The following CARD19 variants were observed in gnomAD, a reference collection of about 807,000 sequenced individuals.
CARD19 encodes the protein caspase recruitment domain family member 19, also known as caspase recruitment domain-containing protein 19.
CARD19 carries 25 observed loss-of-function variants against 24.1 expected under a neutral mutation model. The observed-to-expected ratio is 1.04, with a 90% CI of 0.76 to 1.45. CARD19 has a LOEUF of 1.45. Among genes scored for constraint, CARD19 ranks in the 40% most tolerant of loss-of-function variants. The pLI is 0.00. For missense variants in CARD19, 241 were observed against 247.4 expected (o/e 0.97, Z 0.17); for synonymous variants, 103 against 104.9 (o/e 0.98, Z 0.11).
chr9:93,100,939 C>T (rs1587636296), intron 1 of CARD19, among the ~76,000 whole-genome samples: 2 of 152,218 alleles, frequency 1.3e-5, no homozygotes, highest in African/African-American at 4.8e-5. Flanking sequence ...TTCCATTGTA[C>T]ATAGGTATAT....
At chr9:93,105,940 C>T (rs1314234220) in intron 1 of CARD19, among the ~76,000 whole-genome samples, 1 of 152,054 alleles carries the variant, frequency 6.6e-6, no homozygotes, top group Non-Finnish European at 1.5e-5. Flanking sequence ...ATAGAGATAT[C>T]TATTTCTCCC....
chr9:93,110,907 G>A, intron 3 of CARD19, 186 bp downstream of exon 3: 1 of 1,533,098 alleles, frequency 6.5e-7, no homozygotes, highest in Non-Finnish European at 8.7e-7. Flanking sequence ...AGTGTGGCAG[G>A]CACAGGCAGT....
intron 1 of CARD19, among the ~76,000 whole-genome samples, chr9:93,106,681 GCT>G (rs1827275401): frequency 6.6e-6 from 1 of 151,540 alleles, no homozygotes; most frequent in Non-Finnish European, 1.5e-5. Flanking sequence ...ATGTCTTGTA[GCT>G]TTTTTGACCC....
Position 93,113,028 on chromosome 9 carries a change from G to A in CARD19, c.473G>A (p.Gly158Asp). ...CTGCCAGGGACCCGGCGCGTCCTCG[G>A]TTTCTCGCCTGTCATCATCGACAGA... ...KGLPGTRRVL[G>D]FSPVIIDRHV... Residue 158 changes from glycine to aspartate, a missense_variant, in exon 6 of 6, where the codon GGT (glycine) becomes GAT (aspartate). Physicochemically the swap from Gly to Asp is moderately conservative, Grantham distance 94. Coordinates refer to ENST00000375464, the MANE Select transcript of CARD19 (RefSeq NM_032310.5). 6.2e-7 allele frequency: 1 copy of A among 1,609,514 alleles called. No homozygotes were observed.
chr9:93,097,896 C>T (rs550966645), intron 1 of CARD19, among the ~76,000 whole-genome samples: 2 of 152,336 alleles, frequency 1.3e-5, no homozygotes, highest in African/African-American at 2.4e-5. Flanking sequence ...CCTCACAACC[C>T]TTAGTTTTTG....
At chr9:93,104,266 T>C (rs1248740727) in intron 1 of CARD19, among the ~76,000 whole-genome samples, 2 of 152,214 alleles carry the variant, frequency 1.3e-5, no homozygotes, top group African/African-American at 4.8e-5. Flanking sequence ...TGTAGTGTTC[T>C]TTTCCATTTT....
Position 93,112,238 on chromosome 9 carries a change from G to T in CARD19, c.385G>T (p.Gly129Cys), listed in dbSNP as rs1432122622. 6.5e-7 allele frequency: 1 copy of T among 1,545,240 alleles called. No homozygotes were observed. Among genetic ancestry groups the T allele is most frequent in the South Asian group, 1.2e-5 (1 of 83,996 alleles). Residue 129 changes from glycine (G) to cysteine (C), a missense_variant, in exon 5 of 6, where the codon GGC (glycine) becomes TGC (cysteine). Physicochemically the swap from Gly to Cys is radical, Grantham distance 159. Transcript: ENST00000375464. ...CCCAGGACCCATGAGCTTCCTGGCT[G>T]GCCTGGGCCTTGCTGTGGGACTGGC... ...SNRGPMSFLA[G>C]LGLAVGLALL... is the part of the protein sequence containing the mutation.
chr9:93,110,492 T>C (rs1827425186), intron 2 of CARD19, 76 bp from the exon 3 acceptor site: 1 of 1,516,124 alleles, frequency 6.6e-7, no homozygotes, highest in Admixed American at 2.1e-5. Context: ...GCTGGGGGCC[T>C]GACCTTGGTG....
At chr9:93,105,193 TGTGC>T (rs1257887689) in intron 1 of CARD19, among the ~76,000 whole-genome samples, 19 of 24,626 alleles carry the variant, frequency 7.7e-4, no homozygotes, top group Middle Eastern at 0.029. Context: ...CGCGTGTGTG[TGTGC>T]GTGTGTGTGT....
chr9:93,107,721 G>A lies in CARD19; in HGVS notation c.55G>A (p.Gly19Ser), dbSNP rs773828956. Reference protein sequence around the residue: ...RLVQDTPFLTGHGRLSEQQVD... With the variant: ...RLVQDTPFLTSHGRLSEQQVD... Reference sequence around the variant, plus strand: ...GGTGCAGGACACGCCTTTCCTGACAGGCCATGGGCGCTTGAGTGAGCAGCA... The same window carrying A: ...GGTGCAGGACACGCCTTTCCTGACAAGCCATGGGCGCTTGAGTGAGCAGCA... The change falls in exon 2 of 6, where the codon GGC becomes AGC. Residue 19 changes from glycine to serine, a missense_variant. Transcript: ENST00000375464. 8 of 1,614,156 alleles carry A rather than the reference G, an allele frequency of 5.0e-6. No homozygotes were observed. The South Asian group carries it at 8.8e-5, about 18-fold the overall frequency.
chr9:93,110,831 C>T (rs2130730569), intron 3 of CARD19, 110 bp downstream of exon 3: 2 of 1,536,858 alleles, frequency 1.3e-6, no homozygotes, highest in Non-Finnish European at 1.7e-6. Context: ...TCTGCTGCAG[C>T]CCAGGCCTGG....
At chr9:93,098,587 TTGTTTA>T (rs1472709788) in intron 1 of CARD19, among the ~76,000 whole-genome samples, 1 of 152,236 alleles carries the variant, frequency 6.6e-6, no homozygotes, top group Non-Finnish European at 1.5e-5. Context: ...GTTCAGGGAC[TTGTTTA>T]TCGGGAGCTG....
At chr9:93,102,407 G>A (rs1239496540) in intron 1 of CARD19, among the ~76,000 whole-genome samples, 1 of 152,118 alleles carries the variant, frequency 6.6e-6, no homozygotes, top group African/African-American at 2.4e-5. Context: ...TCTTTATGGA[G>A]TAAGGATACT....
At chr9:93,097,997 G>A (rs191110047) in intron 1 of CARD19, among the ~76,000 whole-genome samples, 3 of 152,388 alleles carry the variant, frequency 2.0e-5, no homozygotes, top group Non-Finnish European at 2.9e-5. Context: ...CAGGCTCACT[G>A]CCTCCATGCA....
intron 1 of CARD19, among the ~76,000 whole-genome samples, chr9:93,098,133 G>A (rs4744171): frequency 0.64 from 98,139 of 152,160 alleles, 34,376 homozygotes; most frequent in Non-Finnish European, 0.77. Flanking sequence ...GGGCTGTGCC[G>A]GGGAGTGAGC....
At chr9:93,103,805 G>A (rs796637874) in intron 1 of CARD19, among the ~76,000 whole-genome samples, 45 of 152,304 alleles carry the variant, frequency 3.0e-4, no homozygotes, top group African/African-American at 1.1e-3. Flanking sequence ...GAGAATGAGA[G>A]GGAGCAAGAG....
intron 1 of CARD19, 46 bp from the exon 2 acceptor site, chr9:93,107,628 T>C: frequency 6.2e-7 from 1 of 1,608,678 alleles, no homozygotes; most frequent in Non-Finnish European, 8.5e-7. Context: ...TCGTCTCTGG[T>C]CCCCTTGGGC....
intron 1 of CARD19, among the ~76,000 whole-genome samples, chr9:93,100,593 T>G (rs1827041050): frequency 6.6e-6 from 1 of 152,264 alleles, no homozygotes; most frequent in African/African-American, 2.4e-5. Flanking sequence ...CTTACCCATT[T>G]TTTCAGTGTA....
intron 2 of CARD19, among the ~76,000 whole-genome samples, chr9:93,109,454 A>G (rs1249070256): frequency 6.8e-6 from 1 of 147,028 alleles, no homozygotes; most frequent in Non-Finnish European, 1.5e-5. Context: ...ACACATCAAA[A>G]GAGCCAATAC....
Sources: allele counts gnomAD v4.1 joint callset (sites outside exome capture counted in the v4.1 genomes callset), GRCh38; gene constraint gnomAD v4.1.1; transcripts MANE v1.5; gene names NCBI Gene and HGNC (gene_info 2026-07-23, HGNC 2026-07-21).